Variants in SMARCA5 observed in about 807,000 individuals in gnomAD.
SMARCA5 encodes the protein SNF2 related chromatin remodeling ATPase 5, also known as SWI/SNF-related matrix-associated actin-dependent regulator of chromatin subfamily A member 5.
Under a neutral mutation model 140.4 loss-of-function variants are expected in SMARCA5, and 18 were observed. The observed-to-expected ratio is 0.13, with a 90% CI of 0.09 to 0.19. SMARCA5 has a LOEUF of 0.19. Among genes scored for constraint, SMARCA5 ranks in the 10% least tolerant of loss-of-function variants. The probability of loss-of-function intolerance (pLI) is 1.00; values close to 1 mark genes in which losing one functional copy is unlikely to be tolerated. For synonymous variants in SMARCA5, 449 were observed against 419.6 expected, an observed-to-expected ratio of 1.07 and a Z score of -0.86; for missense variants, 606 against 1,276.8, an observed-to-expected ratio of 0.47 and a Z score of 8.01.
At position 143,549,366 on chromosome 4, in the gene SMARCA5, TGCTACCC is replaced by T. The variant is rs761521800; in HGVS notation, c.2986-630_2986-624del. Among the ~76,000 whole-genome samples the T allele has an allele frequency of 5.7e-3, 868 of 152,268 alleles. 10 individuals carry two copies. The highest frequency in any genetic ancestry group is 0.02 in the African/African-American group (830 of 41,560). The stretch of plus-strand genomic sequence containing the variant: ...AATTTTGCTCTATAAGAAAGGGGGC[TGCTACCC>T]AGCAGCCGTCCGTGCAGATGGACTT... On this transcript the variant is annotated intron_variant, in intron 22 of 23. Transcript: ENST00000283131.
At chr4:143,521,731 T>A (rs995597699) in intron 3 of SMARCA5, 136 bp downstream of exon 3, 12 of 767,906 alleles carry the variant, frequency 1.6e-5, no homozygotes, top group Non-Finnish European at 2.5e-5. Context: ...TGGCTTGGCA[T>A]GATTTAGCCA....
In SMARCA5 at chr4:143,555,510, T is replaced by C. The variant is rs1737728837; in HGVS notation, c.*2326T>C. The stretch of plus-strand genomic sequence containing the variant: ...TTTCAGTGTAGATTGTTTTGTTTTG[T>C]ACCCATGCTGTTGATTGCTAAATGT... On this transcript the variant is annotated 3_prime_UTR_variant, in exon 24 of 24. Transcript: ENST00000283131. 2 of 445,668 alleles carry C rather than the reference T, an allele frequency of 4.5e-6. No homozygotes were observed. Among genetic ancestry groups the C allele is most frequent in the Non-Finnish European group, 8.3e-6 (2 of 242,088 alleles). The allele number at this position is 445,668 out of a possible 1,614,324, so 27.6% of individuals were successfully genotyped here.
In SMARCA5 at chr4:143,543,499, C is replaced by CT; in HGVS notation, c.1904-4dup. ...TTCAGTTAACATTATACAACACAAT[C>CT]TTTTTTCAGGGAGGCTTGTGGATCA... On this transcript the variant is annotated splice_polypyrimidine_tract_variant and intron_variant, in intron 14 of 23. Coordinates refer to ENST00000283131, the MANE Select transcript of SMARCA5 (RefSeq NM_003601.4). The CT allele has an allele frequency of 2.5e-6, 4 of 1,611,048 alleles. No homozygotes were observed. Among genetic ancestry groups the CT allele is most frequent in the Non-Finnish European group, 3.4e-6 (4 of 1,178,582 alleles).
intron 9 of SMARCA5, among the ~76,000 whole-genome samples, chr4:143,531,553 A>C (rs1315245173): frequency 6.6e-6 from 1 of 152,182 alleles, no homozygotes; most frequent in East Asian, 1.9e-4. Flanking sequence ...AGCATGTTTA[A>C]TAGCATCCCT....
chr4:143,539,537 C>CT (rs11356061), intron 13 of SMARCA5, among the ~76,000 whole-genome samples: 6 of 126,486 alleles, frequency 4.7e-5, no homozygotes, highest in Admixed American at 7.9e-5. Context: ...TAGTCACTTT[C>CT]TTTTTTTTTT....
At chr4:143,548,363 A>G (rs1347130680) in intron 22 of SMARCA5, 1 of 368,882 alleles carries the variant, frequency 2.7e-6, no homozygotes, top group Non-Finnish European at 4.8e-6. Context: ...TAGCTTTTCA[A>G]GTTCTAAGTG....
In SMARCA5 at chr4:143,518,824, A is replaced by G. The variant is rs147527133; in HGVS notation, c.252+1395A>G. 1.9e-3 allele frequency among the ~76,000 whole-genome samples: 288 copies of G among 152,192 alleles called. 1 individual carries two copies. The highest frequency in any genetic ancestry group is 6.6e-3 in the African/African-American group (273 of 41,544). On this transcript the variant is annotated intron_variant, in intron 2 of 23. Coordinates refer to ENST00000283131, the MANE Select transcript of SMARCA5 (RefSeq NM_003601.4). ...TTAAAGTGAATACTACTTTGAATAC[A>G]GTCTACATATTTTAATACTGCTTTA...
At position 143,556,896 on chromosome 4, in the gene SMARCA5, GTAA is replaced by G. The variant is rs1737771091; in HGVS notation, c.*3713_*3715del. On this transcript the variant is annotated 3_prime_UTR_variant, in exon 24 of 24. Coordinates refer to ENST00000283131, the MANE Select transcript of SMARCA5 (RefSeq NM_003601.4). ...CTATGCTACAAGAACCAAAATTGAAGTAAGAAGAAAAAGACTGAAATGATATGA... is the reference window on the plus strand; with the variant it reads ...CTATGCTACAAGAACCAAAATTGAAGGAAGAAAAAGACTGAAATGATATGA... The G allele has an allele frequency of 6.6e-6, 1 of 152,088 alleles. No individual in the cohort carries two copies. The highest frequency in any genetic ancestry group is 1.9e-4 in the East Asian group (1 of 5,200). 9.4% of individuals were successfully genotyped at this position (152,088 alleles called of 1,614,324 possible).
At chr4:143,534,266 A>C (rs551522382) in intron 9 of SMARCA5, among the ~76,000 whole-genome samples, 2 of 152,252 alleles carry the variant, frequency 1.3e-5, no homozygotes, top group Admixed American at 6.5e-5. Flanking sequence ...CTGAGCCTAC[A>C]ATATCTCTGA....
At chr4:143,518,408 A>G (rs1253805835) in intron 2 of SMARCA5, among the ~76,000 whole-genome samples, 1 of 152,196 alleles carries the variant, frequency 6.6e-6, no homozygotes, top group Non-Finnish European at 1.5e-5. Flanking sequence ...AGTTAAAATA[A>G]CAATGTATTA....
intron 23 of SMARCA5, among the ~76,000 whole-genome samples, chr4:143,550,794 GTATACA>G (rs1210216619): frequency 2.0e-5 from 3 of 152,066 alleles, no homozygotes; most frequent in Non-Finnish European, 4.4e-5. Flanking sequence ...ATTCTATTGT[GTATACA>G]TACCATGTTT....
At chr4:143,528,459 T>C (rs2149819307) in intron 7 of SMARCA5, 124 bp from the exon 8 acceptor site, 1 of 710,006 alleles carries the variant, frequency 1.4e-6, no homozygotes, top group Non-Finnish European at 2.3e-6. Context: ...CTGATGTATA[T>C]GTGCCATATT....
At chr4:143,525,870 T>C (rs1737056971) in intron 5 of SMARCA5, among the ~76,000 whole-genome samples, 1 of 152,256 alleles carries the variant, frequency 6.6e-6, no homozygotes, top group African/African-American at 2.4e-5. Flanking sequence ...TAAATGTTTT[T>C]TCCAGGTGGT....
At chr4:143,542,568 A>G (rs1737449615) in intron 14 of SMARCA5, among the ~76,000 whole-genome samples, 1 of 152,212 alleles carries the variant, frequency 6.6e-6, no homozygotes, top group South Asian at 2.1e-4. Context: ...GTCCCAAACC[A>G]TGATACAAGT....
At chr4:143,546,120 T>C in intron 19 of SMARCA5, 73 bp downstream of exon 19, 1 of 1,124,858 alleles carries the variant, frequency 8.9e-7, no homozygotes, top group Non-Finnish European at 1.2e-6. Flanking sequence ...TGTTGGGGCA[T>C]AAAAATAAAT....
intron 1 of SMARCA5, chr4:143,514,610 T>A (rs1736785861): frequency 6.5e-6 from 1 of 153,312 alleles, no homozygotes; most frequent in African/African-American, 2.4e-5. Flanking sequence ...CGGTATCTGT[T>A]GTGGGCAGAA....
rs140433356 is a variant in SMARCA5 at position 143,535,994 on chromosome 4, T to G, written c.1269-458T>G. On this transcript the variant is annotated intron_variant, in intron 10 of 23. Coordinates refer to ENST00000283131, the MANE Select transcript of SMARCA5 (RefSeq NM_003601.4). The stretch of plus-strand genomic sequence containing the variant: ...TATTCTCATCATCATGCCTTACCAT[T>G]TCATTATTCTTCCTGTCTTCTCAGA... 8.1e-3 allele frequency among the ~76,000 whole-genome samples: 1,240 copies of G among 152,258 alleles called. 23 individuals are homozygous for G. Among genetic ancestry groups the G allele is most frequent in the African/African-American group, 0.028 (1,168 of 41,560 alleles).
intron 9 of SMARCA5, among the ~76,000 whole-genome samples, chr4:143,533,304 A>G (rs1244038112): frequency 2.0e-5 from 3 of 152,192 alleles, no homozygotes; most frequent in Admixed American, 2.0e-4. Flanking sequence ...TAGTGATTGG[A>G]AGGGACACAA....
At chr4:143,524,493 TA>T in intron 4 of SMARCA5, 26 bp downstream of exon 4, 3 of 1,487,762 alleles carry the variant, frequency 2.0e-6, no homozygotes, top group Non-Finnish European at 2.8e-6. Flanking sequence ...TTGATTTTTT[TA>T]AAAAATTGCC....
Sources: gnomAD v4.1 joint callset for allele counts (sites outside exome capture counted in the v4.1 genomes callset) on GRCh38, gnomAD v4.1.1 for gene constraint, MANE v1.5 for transcripts, NCBI Gene and HGNC (gene_info 2026-07-23, HGNC 2026-07-21) for gene names.